The following FHIT variants were observed in gnomAD, a reference collection of about 807,000 sequenced individuals.
FHIT encodes fragile histidine triad diadenosine triphosphatase.
A neutral mutation model predicts 17.9 loss-of-function variants in FHIT; 19 were observed. The ratio of observed to expected loss-of-function variants is 1.06; its 90% CI spans 0.74 to 1.56. FHIT has a LOEUF of 1.56. FHIT is among the 40% of genes most tolerant of loss of function. FHIT has a pLI of 0.00. For synonymous variants in FHIT, 81 were observed against 69.7 expected (o/e 1.16, Z -0.81); for missense variants, 248 against 189.2 (o/e 1.31, Z -1.82).
intron 5 of FHIT, among the ~76,000 whole-genome samples, chr3:60,380,524 G>A (rs750471938): frequency 7.9e-5 from 12 of 152,144 alleles, no homozygotes; most frequent in South Asian, 2.1e-4. Context: ...ATTTTACAGC[G>A]AGGATACTGA....
chr3:60,305,620 A>C (rs776799155), intron 5 of FHIT, among the ~76,000 whole-genome samples: 1 of 152,114 alleles, frequency 6.6e-6, no homozygotes, highest in Non-Finnish European at 1.5e-5. Context: ...AGATCTTTAA[A>C]CTGTCTAGGA....
chr3:60,550,999 A>G (rs955175664), intron 4 of FHIT, among the ~76,000 whole-genome samples: 3 of 152,166 alleles, frequency 2.0e-5, no homozygotes, highest in African/African-American at 4.8e-5. Context: ...GGAAAGGGGA[A>G]TCTCACGTTT....
intron 8 of FHIT, among the ~76,000 whole-genome samples, chr3:59,857,026 G>T (rs759970295): frequency 6.6e-6 from 1 of 152,106 alleles, no homozygotes; most frequent in African/African-American, 2.4e-5. Context: ...TGTAACAATC[G>T]CAGTCTCTGA....
chr3:61,250,637 C>A (rs1352393892), intron 1 of FHIT, among the ~76,000 whole-genome samples: 1 of 152,058 alleles, frequency 6.6e-6, no homozygotes, highest in Non-Finnish European at 1.5e-5. Context: ...TTCCACTAAC[C>A]TGCCTCCTTA....
At chr3:59,857,626 C>T (rs2106825703) in intron 8 of FHIT, among the ~76,000 whole-genome samples, 1 of 151,556 alleles carries the variant, frequency 6.6e-6, no homozygotes, top group East Asian at 1.9e-4. Context: ...GTCAGTTTGT[C>T]CTATGAGCGT....
intron 7 of FHIT, among the ~76,000 whole-genome samples, chr3:59,986,751 T>TAAATATATTTATATAA (rs369620866): frequency 0.025 from 232 of 9,128 alleles, 34 homozygotes; most frequent in East Asian, 0.047. Flanking sequence ...TATATTTATA[T>TAAATATATTTATATAA]ATATATAAAT....
intron 2 of FHIT, among the ~76,000 whole-genome samples, chr3:61,082,153 C>T (rs1316727035): frequency 6.6e-6 from 1 of 151,832 alleles, no homozygotes; most frequent in Non-Finnish European, 1.5e-5. Flanking sequence ...TGAATTTTTA[C>T]AGGGCACACA....
chr3:59,985,849 G>A (rs375602707), intron 7 of FHIT, among the ~76,000 whole-genome samples: 26 of 152,014 alleles, frequency 1.7e-4, no homozygotes, highest in African/African-American at 6.0e-4. Context: ...AGTCATGACT[G>A]GCCTTCCAGA....
At position 60,287,318 on chromosome 3, in the gene FHIT, G is replaced by A. The variant is rs182873674; in HGVS notation, c.103+249542C>T. On this transcript the variant is annotated intron_variant, in intron 5 of 9. Transcript: ENST00000492590. ...CCAGTAGCTGGGATTACAGGTGTGC[G>A]CCACCACACCCGGCTAATTTTTGTA... Among the ~76,000 whole-genome samples the A allele has an allele frequency of 3.8e-3, 578 of 152,138 alleles. 13 individuals are homozygous for A. Among genetic ancestry groups the A allele is most frequent in the Admixed American group, 0.035 (530 of 15,284 alleles).
At chr3:59,771,751 A>T (rs1163684956) in intron 8 of FHIT, among the ~76,000 whole-genome samples, 2 of 152,154 alleles carry the variant, frequency 1.3e-5, no homozygotes, top group Non-Finnish European at 2.9e-5. Flanking sequence ...CAAGACACAG[A>T]CTTCTCGTCA....
At chr3:60,531,325 C>T (rs866565011) in intron 5 of FHIT, among the ~76,000 whole-genome samples, 3 of 131,546 alleles carry the variant, frequency 2.3e-5, no homozygotes, top group Middle Eastern at 5.7e-3. Flanking sequence ...GTCGCCCAGG[C>T]TGGAGTGCAG....
At chr3:60,855,003 C>T (rs1703324491) in intron 3 of FHIT, among the ~76,000 whole-genome samples, 1 of 152,086 alleles carries the variant, frequency 6.6e-6, no homozygotes, top group East Asian at 1.9e-4. Flanking sequence ...CTCTTTTGTG[C>T]CAGGGAACTA....
intron 5 of FHIT, among the ~76,000 whole-genome samples, chr3:60,414,114 A>C (rs897283742): frequency 6.6e-6 from 1 of 152,202 alleles, no homozygotes; most frequent in African/African-American, 2.4e-5. Flanking sequence ...TGGTTAGGAA[A>C]CGCCTTTATG....
chr3:60,458,200 T>C (rs1235309181), intron 5 of FHIT, among the ~76,000 whole-genome samples: 3 of 152,052 alleles, frequency 2.0e-5, no homozygotes, highest in Non-Finnish European at 2.9e-5. Context: ...CCATCAATGA[T>C]AGACTGGATT....
At chr3:61,109,346 T>C (rs1336937065) in intron 2 of FHIT, among the ~76,000 whole-genome samples, 1 of 152,134 alleles carries the variant, frequency 6.6e-6, no homozygotes, top group Non-Finnish European at 1.5e-5. Flanking sequence ...TTGTTCCTAA[T>C]CTATAAGGAA....
intron 2 of FHIT, among the ~76,000 whole-genome samples, chr3:61,078,781 A>G (rs1284222838): frequency 2.0e-5 from 3 of 152,206 alleles, no homozygotes; most frequent in Non-Finnish European, 4.4e-5. Flanking sequence ...AATCTGAACA[A>G]TATTAATAAT....
chr3:60,672,074 T>C (rs1329932673), intron 4 of FHIT, among the ~76,000 whole-genome samples: 3 of 152,240 alleles, frequency 2.0e-5, no homozygotes, highest in East Asian at 1.9e-4. Context: ...TGTAGCCACA[T>C]TGGCTTTCTA....
At chr3:60,379,211 C>T (rs2107103612) in intron 5 of FHIT, among the ~76,000 whole-genome samples, 1 of 152,246 alleles carries the variant, frequency 6.6e-6, no homozygotes, top group South Asian at 2.1e-4. Flanking sequence ...CACCCTGAGG[C>T]CATATGAAAT....
intron 5 of FHIT, among the ~76,000 whole-genome samples, chr3:60,129,526 G>A (rs981859906): frequency 2.6e-5 from 4 of 152,130 alleles, no homozygotes; most frequent in African/African-American, 4.8e-5. Flanking sequence ...ACATGTTGAT[G>A]TTCTGAATAT....
Sources: allele counts gnomAD v4.1 joint callset (sites outside exome capture counted in the v4.1 genomes callset), GRCh38; gene constraint gnomAD v4.1.1; transcripts MANE v1.5; gene names NCBI Gene and HGNC (gene_info 2026-07-23, HGNC 2026-07-21).